PPM1D: variants seen among roughly 807,000 people sequenced by gnomAD.
The protein encoded by PPM1D is protein phosphatase, Mg2+/Mn2+ dependent 1D.
A neutral mutation model predicts 58.3 loss-of-function variants in PPM1D; 52 were observed. The observed-to-expected ratio is 0.89, with a 90% confidence interval of 0.71 to 1.12. The LOEUF (loss-of-function observed/expected upper bound fraction) is 1.12. PPM1D is among the 50% of genes most tolerant of loss of function. The probability of loss-of-function intolerance (pLI) is 0.00; values close to 1 mark genes in which losing one functional copy is unlikely to be tolerated. For missense variants in PPM1D, 564 were observed against 777.2 expected, an observed-to-expected ratio of 0.73 and a Z score of 3.26; for synonymous variants, 278 against 285.1, an observed-to-expected ratio of 0.98 and a Z score of 0.25.
chr17:60,620,661 T>C (rs2030681830), intron 1 of PPM1D, among the ~76,000 whole-genome samples: 1 of 151,488 alleles, frequency 6.6e-6, no homozygotes. Context: ...AGGTGTGCGC[T>C]ACCATGCCTG....
chr17:60,653,173 A>G (rs577923699), intron 4 of PPM1D, among the ~76,000 whole-genome samples: 29 of 152,278 alleles, frequency 1.9e-4, no homozygotes, highest in African/African-American at 6.7e-4. Context: ...AATTGTGGTT[A>G]CCAATTCTAC....
Position 60,662,716 on chromosome 17 carries a change from G to C in PPM1D, c.1261-279G>C, listed in dbSNP as rs35548622. Among the ~76,000 whole-genome samples, 7,683 of 152,106 alleles carry C rather than the reference G, an allele frequency of 0.051. 254 individuals are homozygous for C. Among genetic ancestry groups the C allele is most frequent in the Non-Finnish European group, 0.074 (5,001 of 68,002 alleles). ...ATGGATAGAAAATGCTTGTGACCAC[G>C]TGAATTTTCACCCACTTGAATAGAT... On this transcript the variant is annotated intron_variant, in intron 5 of 5. Coordinates refer to ENST00000305921, the MANE Select transcript of PPM1D (RefSeq NM_003620.4).
chr17:60,628,501 TTGTC>T (rs1431914708), intron 2 of PPM1D, among the ~76,000 whole-genome samples: 9 of 152,320 alleles, frequency 5.9e-5, no homozygotes, highest in South Asian at 2.1e-4. Context: ...CCTCTGTACT[TTGTC>T]TGTTCATCCC....
chr17:60,619,758 G>A (rs1428358568), intron 1 of PPM1D, among the ~76,000 whole-genome samples: 2 of 151,926 alleles, frequency 1.3e-5, no homozygotes, highest in African/African-American at 4.8e-5. Context: ...GTGCTACCAT[G>A]CCCGGCTAAT....
At position 60,600,438 on chromosome 17, in the gene PPM1D, A is replaced by G; in HGVS notation, c.24A>G (p.Gly8=). ...CCATGGCGGGGCTGTACTCGCTGGG[A>G]GTGAGCGTCTTCTCCGACCAGGGCG... MAGLYSL[G]VSVFSDQGGR... is the part of the protein sequence containing the mutation. The change falls in exon 1 of 6, where the codon GGA becomes GGG. Residue 8 remains glycine (G), a synonymous_variant. Coordinates refer to ENST00000305921, the MANE Select transcript of PPM1D (RefSeq NM_003620.4). 1 of 1,555,022 alleles carries G rather than the reference A, an allele frequency of 6.4e-7. No individual in the cohort carries two copies. The highest frequency in any genetic ancestry group is 1.2e-5 in the South Asian group (1 of 84,478).
At chr17:60,622,189 C>CAA (rs527824050) in intron 1 of PPM1D, among the ~76,000 whole-genome samples, 9 of 105,566 alleles carry the variant, frequency 8.5e-5, no homozygotes, top group African/African-American at 2.2e-4. Flanking sequence ...GACTCTGTCT[C>CAA]AAAAAAAAAA....
intron 3 of PPM1D, among the ~76,000 whole-genome samples, chr17:60,639,782 A>G (rs1051999603): frequency 1.3e-5 from 2 of 152,244 alleles, no homozygotes; most frequent in African/African-American, 4.8e-5. Context: ...TAAAATAAGG[A>G]TATTTCACTT....
At chr17:60,648,758 C>CTTTTT (rs952896125) in intron 4 of PPM1D, among the ~76,000 whole-genome samples, 2 of 134,408 alleles carry the variant, frequency 1.5e-5, no homozygotes, top group African/African-American at 5.6e-5. Flanking sequence ...ACCACTACTA[C>CTTTTT]TTTTTTTTTT....
rs1269941115 is a variant in PPM1D at position 60,609,317 on chromosome 17, A to T, written c.472+8431A>T. ...ACCATGTTGGCCAGGCTGGTCTCGA[A>T]CTCCTGACCTCGTGATCCACCCGCC... On this transcript the variant is annotated intron_variant, in intron 1 of 5. Transcript: ENST00000305921. Among the ~76,000 whole-genome samples, 14 of 139,746 alleles carry T rather than the reference A, an allele frequency of 1.0e-4. No homozygotes were observed. In the East Asian group the frequency reaches 1.1e-3, roughly 11 times the overall value. 91.7% of individuals were successfully genotyped at this position (139,746 alleles called of 152,430 possible). A position where few individuals can be genotyped will look rare whatever the true frequency, so the allele number is the denominator to read the frequency against.
chr17:60,624,807 C>T (rs191750889), intron 2 of PPM1D, among the ~76,000 whole-genome samples: 8 of 150,912 alleles, frequency 5.3e-5, no homozygotes, highest in Admixed American at 4.6e-4. Flanking sequence ...AAAGAATTAG[C>T]ATCCTTAAAC....
chr17:60,659,371 C>T (rs2031490715), intron 5 of PPM1D, among the ~76,000 whole-genome samples: 1 of 152,192 alleles, frequency 6.6e-6, no homozygotes, highest in Admixed American at 6.5e-5. Flanking sequence ...GTAAACATGT[C>T]AGCTTCCATT....
chr17:60,638,613 CCCA>C (rs1247835815), intron 3 of PPM1D, among the ~76,000 whole-genome samples: 1 of 152,132 alleles, frequency 6.6e-6, no homozygotes, highest in Non-Finnish European at 1.5e-5. Context: ...AGTTGATCCG[CCCA>C]CCTCTGCTTC....
intron 1 of PPM1D, among the ~76,000 whole-genome samples, chr17:60,616,863 G>A (rs1156376476): frequency 1.3e-5 from 2 of 152,116 alleles, no homozygotes; most frequent in Admixed American, 6.6e-5. Context: ...TTTTTAGCTC[G>A]TTTTTTCACT....
At chr17:60,644,224 TAAAAA>T (rs1440692825) in intron 3 of PPM1D, among the ~76,000 whole-genome samples, 1 of 151,932 alleles carries the variant, frequency 6.6e-6, no homozygotes, top group Non-Finnish European at 1.5e-5. Flanking sequence ...CCATGAATGA[TAAAAA>T]CAAAACAAAA....
intron 4 of PPM1D, among the ~76,000 whole-genome samples, chr17:60,650,702 G>C (rs1000312626): frequency 6.6e-6 from 1 of 152,202 alleles, no homozygotes; most frequent in Non-Finnish European, 1.5e-5. Context: ...ACATTATTTA[G>C]GGAGAGATGG....
At chr17:60,624,139 A>G (rs2030757926) in intron 2 of PPM1D, among the ~76,000 whole-genome samples, 1 of 152,186 alleles carries the variant, frequency 6.6e-6, no homozygotes, top group Non-Finnish European at 1.5e-5. Flanking sequence ...CATTGATTTC[A>G]GATTTACTGC....
chr17:60,637,576 A>G (rs2031049389), intron 3 of PPM1D, among the ~76,000 whole-genome samples: 1 of 152,198 alleles, frequency 6.6e-6, no homozygotes, highest in Non-Finnish European at 1.5e-5. Context: ...GCTTCCCATT[A>G]TAAGAATTGA....
At chr17:60,621,930 G>A (rs1360723890) in intron 1 of PPM1D, among the ~76,000 whole-genome samples, 2 of 147,814 alleles carry the variant, frequency 1.4e-5, no homozygotes, top group Non-Finnish European at 3.0e-5. Flanking sequence ...GCTCACGCCT[G>A]TAATCCCAAC....
In PPM1D at chr17:60,663,531, G is replaced by A. The variant is rs747288423; in HGVS notation, c.1797G>A (p.Arg599=). The change falls in exon 6 of 6, where the codon AGG becomes AGA. Residue 599 remains arginine, a synonymous_variant. Coordinates refer to ENST00000305921, the MANE Select transcript of PPM1D (RefSeq NM_003620.4). ...KIGNPLLHQH[R]KTVCVC is the part of the protein sequence containing the mutation. ...GAAATCCTTTACTTCATCAACACAG[G>A]AAAACTGTTTGTGTTTGCTGAAATG... 17 of 1,609,290 alleles carry A rather than the reference G, an allele frequency of 1.1e-5. No individual in the cohort carries two copies. Among genetic ancestry groups the A allele is most frequent in the Non-Finnish European group, 1.4e-5 (16 of 1,179,604 alleles).
Sources: allele counts gnomAD v4.1 joint callset (sites outside exome capture counted in the v4.1 genomes callset), GRCh38; gene constraint gnomAD v4.1.1; transcripts MANE v1.5; gene names NCBI Gene and HGNC (gene_info 2026-07-23, HGNC 2026-07-21).